TANC2: variants seen among roughly 807,000 people sequenced by gnomAD.
The protein encoded by TANC2 is protein TANC2.
TANC2 carries 26 observed loss-of-function variants against 210.5 expected under a neutral mutation model. That is an observed-to-expected ratio of 0.12 (90% CI 0.09 to 0.17). The LOEUF is 0.17. TANC2 is among the 10% of genes least tolerant of loss of function. TANC2 has a pLI of 1.00. For missense variants in TANC2, 2,129 were observed against 2,608.9 expected (o/e 0.82, Z 4.01); for synonymous variants, 931 against 967.1 (o/e 0.96, Z 0.69).
At chr17:63,193,783 G>T (rs2041257876) in intron 5 of TANC2, 2 of 481,412 alleles carry the variant, frequency 4.2e-6, no homozygotes, top group East Asian at 3.7e-5. Flanking sequence ...GAGTTCCCTG[G>T]CTCATTTTTA....
At chr17:63,355,304 G>T in exon 14 of TANC2, 1 of 1,612,788 alleles carries the variant, frequency 6.2e-7, no homozygotes, top group South Asian at 1.1e-5. Flanking sequence ...GCAGAGACAT[G>T]ACTCGTATGT....
chr17:63,219,750 ATAC>A (rs1567825587), intron 7 of TANC2, among the ~76,000 whole-genome samples: 2 of 152,190 alleles, frequency 1.3e-5, no homozygotes, highest in African/African-American at 4.8e-5. Context: ...CTAGCACTGT[ATAC>A]CTATGTAACA....
intron 4 of TANC2, among the ~76,000 whole-genome samples, chr17:63,108,439 C>G (rs917406778): frequency 2.0e-5 from 3 of 151,704 alleles, no homozygotes; most frequent in Admixed American, 1.3e-4. Context: ...TTAATTCAGC[C>G]GAGTGTAGAA....
At chr17:63,179,554 A>AT (rs2040707497) in intron 5 of TANC2, among the ~76,000 whole-genome samples, 1 of 152,196 alleles carries the variant, frequency 6.6e-6, no homozygotes, top group Admixed American at 6.5e-5. Context: ...AGTACTATCA[A>AT]CATTATTCCA....
chr17:63,128,767 A>C (rs545164609), intron 4 of TANC2, among the ~76,000 whole-genome samples: 5 of 152,236 alleles, frequency 3.3e-5, no homozygotes, highest in African/African-American at 1.2e-4. Context: ...CCTGAGAAAA[A>C]CCACAAATTA....
At chr17:63,188,329 C>T (rs1436216352) in intron 5 of TANC2, among the ~76,000 whole-genome samples, 1 of 151,160 alleles carries the variant, frequency 6.6e-6, no homozygotes, top group African/African-American at 2.4e-5. Flanking sequence ...TGGCTGGGTG[C>T]AGTGGCGTAG....
chr17:62,991,715 A>G (rs1319472810), intron 1 of TANC2, among the ~76,000 whole-genome samples: 3 of 152,308 alleles, frequency 2.0e-5, no homozygotes, highest in South Asian at 2.1e-4. Context: ...AAGTATTTAC[A>G]TAACATATAC....
At chr17:63,308,522 A>G (rs946594914) in intron 9 of TANC2, among the ~76,000 whole-genome samples, 1 of 152,192 alleles carries the variant, frequency 6.6e-6, no homozygotes, top group African/African-American at 2.4e-5. Flanking sequence ...ACTCAGCCTG[A>G]CATTCAGACT....
intron 6 of TANC2, among the ~76,000 whole-genome samples, chr17:63,196,669 T>G (rs1170189864): frequency 6.6e-6 from 1 of 152,148 alleles, no homozygotes; most frequent in East Asian, 1.9e-4. Flanking sequence ...AAAATTTGTG[T>G]TCTAGTTCCA....
At chr17:63,048,622 G>A (rs1312832208) in intron 2 of TANC2, among the ~76,000 whole-genome samples, 3 of 152,142 alleles carry the variant, frequency 2.0e-5, no homozygotes, top group African/African-American at 7.2e-5. Context: ...TATGTGTGCG[G>A]CCTTATTTCT....
At chr17:63,111,560 C>T in intron 4 of TANC2, among the ~76,000 whole-genome samples, 1 of 152,070 alleles carries the variant, frequency 6.6e-6, no homozygotes, top group East Asian at 1.9e-4. Context: ...TGGTTTTCTA[C>T]TCTTCATCTT....
intron 2 of TANC2, among the ~76,000 whole-genome samples, chr17:63,064,438 G>C (rs1038415953): frequency 6.6e-6 from 1 of 152,152 alleles, no homozygotes; most frequent in Admixed American, 6.5e-5. Context: ...CGTTGTGGGT[G>C]ACAGAGCGAG....
chr17:63,186,925 A>G (rs897188689), intron 5 of TANC2, among the ~76,000 whole-genome samples: 1 of 152,198 alleles, frequency 6.6e-6, no homozygotes, highest in Admixed American at 6.5e-5. Context: ...TCTGTTTCTC[A>G]TACCTCAAAG....
intron 11 of TANC2, among the ~76,000 whole-genome samples, chr17:63,339,451 T>C (rs2046153916): frequency 6.6e-6 from 1 of 152,206 alleles, no homozygotes; most frequent in African/African-American, 2.4e-5. Context: ...TATTAATGCT[T>C]ATAAATTTTC....
At chr17:63,101,306 C>T (rs2037611694) in intron 4 of TANC2, among the ~76,000 whole-genome samples, 1 of 152,124 alleles carries the variant, frequency 6.6e-6, no homozygotes. Flanking sequence ...ATGGTTCTTT[C>T]TTGGCATTAA....
At chr17:63,029,147 A>G (rs2034667804) in intron 2 of TANC2, among the ~76,000 whole-genome samples, 1 of 152,134 alleles carries the variant, frequency 6.6e-6, no homozygotes, top group Non-Finnish European at 1.5e-5. Context: ...TACTTTAACC[A>G]GAGTTATCCT....
chr17:63,262,296 C>T (rs2043385137), intron 8 of TANC2, among the ~76,000 whole-genome samples: 1 of 152,190 alleles, frequency 6.6e-6, no homozygotes, highest in Non-Finnish European at 1.5e-5. Context: ...TCTCTCACCT[C>T]AGCCTCCCAA....
intron 2 of TANC2, among the ~76,000 whole-genome samples, chr17:63,016,224 A>AT (rs1161706208): frequency 1.4e-4 from 21 of 152,338 alleles, no homozygotes; most frequent in African/African-American, 4.8e-4. Context: ...TTAGAAAAAA[A>AT]TTTTAAACCA....
chr17:63,188,519 G>A (rs2041072600), intron 5 of TANC2, among the ~76,000 whole-genome samples: 1 of 151,326 alleles, frequency 6.6e-6, no homozygotes, highest in Admixed American at 6.6e-5. Flanking sequence ...CTTAAACCCA[G>A]GAGGCGGAGG....
Sources: allele counts gnomAD v4.1 joint callset (sites outside exome capture counted in the v4.1 genomes callset), GRCh38; gene constraint gnomAD v4.1.1; transcripts MANE v1.5; gene names NCBI Gene and HGNC (gene_info 2026-07-23, HGNC 2026-07-21).